NMNAT3: variants seen among roughly 807,000 people sequenced by gnomAD.
NMNAT3 encodes nicotinamide nucleotide adenylyltransferase 3.
NMNAT3 carries 21 observed loss-of-function variants against 24.8 expected under a neutral mutation model. That is an observed-to-expected ratio of 0.85 (90% CI 0.60 to 1.22). NMNAT3 has a LOEUF of 1.22. Among genes scored for constraint, NMNAT3 ranks in the 50% most tolerant of loss-of-function variants. The pLI is 0.00. For missense variants in NMNAT3, 387 were observed against 436.6 expected, an observed-to-expected ratio of 0.89 and a Z score of 1.01; for synonymous variants, 136 against 155.2, an observed-to-expected ratio of 0.88 and a Z score of 0.92.
At chr3:139,630,798 G>T (rs2056263767) in intron 2 of NMNAT3, among the ~76,000 whole-genome samples, 2 of 152,232 alleles carry the variant, frequency 1.3e-5, no homozygotes, top group South Asian at 4.1e-4. Context: ...TCCCAGGGAG[G>T]TTGGATGGTT....
chr3:139,575,955 C>G lies in NMNAT3; in HGVS notation c.576-2275G>C, dbSNP rs776883962. ...AGCTCCACGTCCTATTTGTGTGTGA[C>G]CGTGATTAACGTAGCCTCTCTGAGC... On this transcript the variant is annotated intron_variant, in intron 5 of 6. Coordinates refer to ENST00000643695, the MANE Select transcript of NMNAT3 (RefSeq NM_001320510.2). The G allele has an allele frequency of 4.2e-5, 54 of 1,288,690 alleles. No homozygotes were observed. In the African/African-American group the frequency reaches 7.7e-4, roughly 18 times the overall value. 79.8% of individuals were successfully genotyped at this position (1,288,690 alleles called of 1,614,324 possible).
chr3:139,627,466 CA>C (rs1214203426), intron 3 of NMNAT3, 149 bp downstream of exon 4: 1 of 562,866 alleles, frequency 1.8e-6, no homozygotes, highest in East Asian at 2.9e-5. Context: ...CTATAAGCAT[CA>C]ACCCTTTGAA....
At chr3:139,579,394 T>C (rs549833738) in intron 4 of NMNAT3, among the ~76,000 whole-genome samples, 293 of 152,206 alleles carry the variant, frequency 1.9e-3, no homozygotes, top group Non-Finnish European at 2.9e-3. Flanking sequence ...ACAGCATGAC[T>C]TCCCCTTCTA....
At chr3:139,573,523 C>T in intron 6 of NMNAT3, 75 bp downstream of exon 6, 3 of 804,450 alleles carry the variant, frequency 3.7e-6, no homozygotes, top group Non-Finnish European at 3.8e-6. Context: ...GCAGCTGTGA[C>T]CACCCCTACC....
chr3:139,666,429 G>A (rs1345273503), intron 1 of NMNAT3, among the ~76,000 whole-genome samples: 1 of 152,174 alleles, frequency 6.6e-6, no homozygotes, highest in Non-Finnish European at 1.5e-5. Flanking sequence ...TCAATTGTCA[G>A]CCACTGAGTG....
At chr3:139,611,926 G>A (rs1366742075) in intron 3 of NMNAT3, among the ~76,000 whole-genome samples, 1 of 152,222 alleles carries the variant, frequency 6.6e-6, no homozygotes, top group Admixed American at 6.5e-5. Flanking sequence ...CCAGCACTTT[G>A]TGGGGCTGAG....
chr3:139,622,777 TATG>T (rs1252138030), intron 3 of NMNAT3, among the ~76,000 whole-genome samples: 4 of 142,662 alleles, frequency 2.8e-5, no homozygotes, highest in African/African-American at 1.0e-4. Flanking sequence ...ATATCATATA[TATG>T]ATATATATAT....
At chr3:139,647,263 C>A (rs2108375493) in intron 1 of NMNAT3, among the ~76,000 whole-genome samples, 1 of 152,296 alleles carries the variant, frequency 6.6e-6, no homozygotes, top group South Asian at 2.1e-4. Flanking sequence ...TTGACTCTGG[C>A]ACTTCACCTT....
intron 3 of NMNAT3, among the ~76,000 whole-genome samples, chr3:139,616,129 C>T (rs1324228474): frequency 9.2e-5 from 14 of 152,174 alleles, no homozygotes; most frequent in Admixed American, 9.2e-4. Flanking sequence ...TCAACAAAGC[C>T]ATTCTCCTAG....
At chr3:139,602,362 G>T (rs2054755466) in intron 3 of NMNAT3, among the ~76,000 whole-genome samples, 1 of 152,170 alleles carries the variant, frequency 6.6e-6, no homozygotes, top group South Asian at 2.1e-4. Context: ...CCTTGCCTGG[G>T]CTGCTCCTGA....
At chr3:139,641,342 C>T (rs1035144495) in intron 1 of NMNAT3, among the ~76,000 whole-genome samples, 2 of 152,242 alleles carry the variant, frequency 1.3e-5, no homozygotes, top group Non-Finnish European at 2.9e-5. Context: ...TATTGATCTG[C>T]TATGCTACGT....
intron 1 of NMNAT3, among the ~76,000 whole-genome samples, chr3:139,638,635 C>A (rs2056591737): frequency 1.3e-5 from 2 of 152,222 alleles, no homozygotes; most frequent in Admixed American, 1.3e-4. Flanking sequence ...GCTCATCCCT[C>A]TCTCAAACTC....
At chr3:139,676,470 G>T (rs2057933284) in intron 1 of NMNAT3, among the ~76,000 whole-genome samples, 1 of 152,228 alleles carries the variant, frequency 6.6e-6, no homozygotes, top group African/African-American at 2.4e-5. Context: ...AATTCAAGAA[G>T]TAACTGATGC....
intron 2 of NMNAT3, among the ~76,000 whole-genome samples, chr3:139,629,518 G>T (rs1370231660): frequency 6.6e-6 from 1 of 152,200 alleles, no homozygotes; most frequent in Non-Finnish European, 1.5e-5. Context: ...TGCAGTAATA[G>T]ATAATACAGA....
At chr3:139,628,750 G>C (rs2056164926) in intron 2 of NMNAT3, among the ~76,000 whole-genome samples, 1 of 152,178 alleles carries the variant, frequency 6.6e-6, no homozygotes, top group Non-Finnish European at 1.5e-5. Flanking sequence ...CTGGCTGTGA[G>C]GCCTAGGGCA....
intron 3 of NMNAT3, among the ~76,000 whole-genome samples, chr3:139,622,281 C>T (rs371512805): frequency 5.1e-4 from 77 of 152,050 alleles, no homozygotes; most frequent in African/African-American, 1.8e-3. Context: ...CCATTCTGAC[C>T]GGGTAAGATG....
intron 6 of NMNAT3, chr3:139,566,519 C>T (rs1937245932): frequency 1.3e-5 from 2 of 151,968 alleles, no homozygotes; most frequent in African/African-American, 4.8e-5. Context: ...GTCTTTAATC[C>T]ATCTTGAATT....
At chr3:139,600,457 C>A (rs905419692) in intron 3 of NMNAT3, among the ~76,000 whole-genome samples, 4 of 152,070 alleles carry the variant, frequency 2.6e-5, no homozygotes, top group African/African-American at 9.7e-5. Context: ...AGGCACCCAC[C>A]ACCACGCTGG....
At chr3:139,576,712 C>T (rs6796232) in intron 5 of NMNAT3, among the ~76,000 whole-genome samples, 1 of 151,790 alleles carries the variant, frequency 6.6e-6, no homozygotes. Flanking sequence ...GGGTGATTCC[C>T]GTGTGCAAAC....
Sources: allele counts gnomAD v4.1 joint callset (sites outside exome capture counted in the v4.1 genomes callset), GRCh38; gene constraint gnomAD v4.1.1; transcripts MANE v1.5; gene names NCBI Gene and HGNC (gene_info 2026-07-23, HGNC 2026-07-21).